PTPRN2: variants seen among roughly 807,000 people sequenced by gnomAD.
PTPRN2 encodes the protein receptor-type tyrosine-protein phosphatase N2.
In PTPRN2, 74 loss-of-function variants were observed where a neutral mutation model predicts 118.8. The observed-to-expected ratio is 0.62, with a 90% CI of 0.52 to 0.76. The LOEUF (loss-of-function observed/expected upper bound fraction) is 0.76. PTPRN2 is among the 30% of genes least tolerant of loss of function. The pLI, the probability that PTPRN2 is intolerant of heterozygous loss-of-function variation, is 0.00. For missense variants in PTPRN2, 1,481 were observed against 1,394.4 expected (o/e 1.06, Z -0.99); for synonymous variants, 641 against 608.0 (o/e 1.05, Z -0.80).
rs1310072735 is a variant in PTPRN2, at chr7:157,591,332, C to A, written c.2496+3906G>T. Among the ~76,000 whole-genome samples, 1 of 152,200 alleles carries A rather than the reference C, an allele frequency of 6.6e-6. No homozygotes were observed. The highest frequency in any genetic ancestry group is 1.5e-5 in the Non-Finnish European group (1 of 68,034). ...CCTGCCCCAAGGAGGAGCTTCAGAT[C>A]AGCATCAACAGCCGGAGATAAAAGG... On this transcript the variant is annotated intron_variant, in intron 17 of 22. Coordinates refer to ENST00000389418, the MANE Select transcript of PTPRN2 (RefSeq NM_002847.5). The surrounding 1 kb of genome is among the most constrained non-coding windows in gnomAD (Gnocchi z 4.4).
rs139219830 is a variant in PTPRN2, at chr7:157,581,534, G to A, written c.2497-3394C>T. 3.1e-3 allele frequency among the ~76,000 whole-genome samples: 479 copies of A among 152,280 alleles called. 3 individuals are homozygous for A. Among genetic ancestry groups the A allele is most frequent in the African/African-American group, 0.011 (456 of 41,556 alleles). On this transcript the variant is annotated intron_variant, in intron 17 of 22. Transcript: ENST00000389418. ...CTGTGAACCTGAGCCATCTCGACGC[G>A]CCCGGCAGGGACACAGCAGCTTGCT... is the stretch of plus-strand genomic sequence containing the variant.
chr7:157,972,319 C>T, intron 11 of PTPRN2, among the ~76,000 whole-genome samples: 1 of 152,220 alleles, frequency 6.6e-6, no homozygotes, highest in East Asian at 1.9e-4. Flanking sequence ...CATGCAGAGG[C>T]ACCTGGAATG....
intron 6 of PTPRN2, among the ~76,000 whole-genome samples, chr7:158,155,302 G>A (rs1051718034): frequency 4.6e-5 from 7 of 152,120 alleles, no homozygotes; most frequent in Non-Finnish European, 1.0e-4. Context: ...AGATAACCTC[G>A]CCACAACATT....
chr7:158,563,077 G>A lies in PTPRN2; in HGVS notation c.112+24481C>T, dbSNP rs181088449. Among the ~76,000 whole-genome samples the A allele has an allele frequency of 2.0e-5, 3 of 152,256 alleles. No individual in the cohort carries two copies. The highest frequency in any genetic ancestry group is 3.9e-4 in the East Asian group (2 of 5,176). On this transcript the variant is annotated intron_variant, in intron 1 of 22. Transcript: ENST00000389418. This position sits in a 1 kb window ranked among gnomAD's most constrained non-coding sequence, Gnocchi z 5.1. ...AGAAATCAACCACGGCCACAGCCTC[G>A]TCCACATAGAGCCTCTCGAAGCCTT...
intron 1 of PTPRN2, among the ~76,000 whole-genome samples, chr7:158,511,934 A>G (rs1457498292): frequency 6.6e-6 from 1 of 152,190 alleles, no homozygotes; most frequent in East Asian, 1.9e-4. Context: ...TGATTTTTTT[A>G]GGGCAGTGAG....
At chr7:158,491,298 G>A (rs1431019760) in intron 1 of PTPRN2, among the ~76,000 whole-genome samples, 3 of 152,188 alleles carry the variant, frequency 2.0e-5, no homozygotes, top group African/African-American at 7.2e-5. Context: ...CTTCCTCCCA[G>A]GAGGTGGCCT....
chr7:158,333,001 C>A, intron 2 of PTPRN2, among the ~76,000 whole-genome samples: 1 of 135,022 alleles, frequency 7.4e-6, no homozygotes, highest in Admixed American at 7.1e-5. Flanking sequence ...CACTCACACC[C>A]ACACTCTCAC....
At chr7:157,623,663 CTG>C (rs1290513350) in intron 14 of PTPRN2, among the ~76,000 whole-genome samples, 6 of 152,200 alleles carry the variant, frequency 3.9e-5, no homozygotes, top group Non-Finnish European at 7.3e-5. Flanking sequence ...AAAATATAAA[CTG>C]AGCCTGTGTG....
chr7:158,310,827 G>A (rs1801661373), intron 3 of PTPRN2, among the ~76,000 whole-genome samples: 2 of 149,186 alleles, frequency 1.3e-5, no homozygotes, highest in African/African-American at 5.0e-5. Context: ...GGCGAGCCCT[G>A]AGCCGGACAG....
chr7:158,038,662 A>T (rs1475838642), intron 11 of PTPRN2, among the ~76,000 whole-genome samples: 1 of 149,782 alleles, frequency 6.7e-6, no homozygotes, highest in Non-Finnish European at 1.5e-5. Context: ...TAGCATTTCT[A>T]TATAAATATG....
At chr7:158,348,283 C>G (rs1414094477) in intron 2 of PTPRN2, among the ~76,000 whole-genome samples, 2 of 145,088 alleles carry the variant, frequency 1.4e-5, no homozygotes, top group Non-Finnish European at 3.0e-5. Flanking sequence ...CATTCACAGC[C>G]CCAGAGCCAC....
chr7:157,689,237 C>T (rs552465520), intron 12 of PTPRN2, among the ~76,000 whole-genome samples: 4 of 152,358 alleles, frequency 2.6e-5, no homozygotes, highest in East Asian at 1.9e-4. Flanking sequence ...TGTTCGATCG[C>T]GTCCTAAAAT....
intron 11 of PTPRN2, among the ~76,000 whole-genome samples, chr7:158,041,840 T>G (rs1808496626): frequency 6.6e-6 from 1 of 152,212 alleles, no homozygotes; most frequent in African/African-American, 2.4e-5. Context: ...GTCATTGACA[T>G]GTGACCCTTC....
intron 11 of PTPRN2, among the ~76,000 whole-genome samples, chr7:158,034,778 G>A (rs1807981635): frequency 2.0e-5 from 3 of 152,168 alleles, no homozygotes; most frequent in African/African-American, 4.8e-5. Flanking sequence ...GAGTTGCATC[G>A]TAGCTGAGGC....
chr7:157,907,180 C>T (rs570367538), intron 11 of PTPRN2, among the ~76,000 whole-genome samples: 4 of 152,196 alleles, frequency 2.6e-5, no homozygotes, highest in Non-Finnish European at 2.9e-5. Context: ...ACCCCGTGAC[C>T]GAGCAGTGTG....
chr7:158,522,426 A>T (rs575819089), intron 1 of PTPRN2, among the ~76,000 whole-genome samples: 10 of 136,850 alleles, frequency 7.3e-5, no homozygotes, highest in South Asian at 7.0e-4. Context: ...GCTCAGGGGG[A>T]AGGTCCACAT....
At chr7:158,211,243 C>T (rs1031531076) in intron 3 of PTPRN2, among the ~76,000 whole-genome samples, 7 of 152,158 alleles carry the variant, frequency 4.6e-5, no homozygotes, top group African/African-American at 1.4e-4. Flanking sequence ...TGGGAAAACT[C>T]CCTAGTACAC....
At chr7:157,905,756 A>C (rs1464383608) in intron 11 of PTPRN2, among the ~76,000 whole-genome samples, 1 of 152,220 alleles carries the variant, frequency 6.6e-6, no homozygotes, top group African/African-American at 2.4e-5. Flanking sequence ...AATGGGGATC[A>C]CTTAATGGCT....
At chr7:158,520,451 G>A (rs539774223) in intron 1 of PTPRN2, among the ~76,000 whole-genome samples, 71 of 152,284 alleles carry the variant, frequency 4.7e-4, no homozygotes, top group Non-Finnish European at 6.0e-4. Context: ...ATGCCCTTCG[G>A]TAGACAGTTT....
Sources: gnomAD v4.1 joint callset for allele counts (sites outside exome capture counted in the v4.1 genomes callset) on GRCh38, gnomAD v4.1.1 for gene constraint, Gnocchi (gnomAD v3.1) non-coding constraint, MANE v1.5 for transcripts, NCBI Gene and HGNC (gene_info 2026-07-23, HGNC 2026-07-21) for gene names.